GPHN: variants seen among roughly 807,000 people sequenced by gnomAD.
GPHN encodes the protein gephyrin.
Under a neutral mutation model 95.5 loss-of-function variants are expected in GPHN, and 17 were observed. The observed-to-expected ratio is 0.18, with a 90% confidence interval of 0.12 to 0.27. The LOEUF (loss-of-function observed/expected upper bound fraction) is 0.27, where lower values mean the gene tolerates loss of function less well. Ranked by LOEUF, GPHN falls within the 10% of genes least tolerant of loss-of-function variation. The pLI is 1.00. For missense variants in GPHN, 660 were observed against 978.1 expected, an observed-to-expected ratio of 0.67 and a Z score of 4.34; for synonymous variants, 320 against 322.5, an observed-to-expected ratio of 0.99 and a Z score of 0.08.
At chr14:67,567,147 G>A in the GPHN span, among the ~76,000 whole-genome samples, 8 of 152,092 alleles carry the variant, frequency 5.3e-5, no homozygotes, top group Admixed American at 3.9e-4. Context: ...CTCGTGTTCC[G>A]TGTTCCGGGG....
chr14:66,923,266 T>C (rs972923851), intron 7 of GPHN, among the ~76,000 whole-genome samples: 1 of 152,104 alleles, frequency 6.6e-6, no homozygotes, highest in African/African-American at 2.4e-5. Context: ...TGTTTATATA[T>C]TCAAAGTATC....
At chr14:67,026,668 G>A (rs1225379765) in intron 10 of GPHN, among the ~76,000 whole-genome samples, 4 of 151,790 alleles carry the variant, frequency 2.6e-5, no homozygotes, top group East Asian at 1.9e-4. Flanking sequence ...TTTTTGAGAC[G>A]GAGTCCCGCT....
chr14:67,219,808 G>T, the GPHN span, among the ~76,000 whole-genome samples: 1 of 152,042 alleles, frequency 6.6e-6, no homozygotes, highest in Non-Finnish European at 1.5e-5. Context: ...TGACTCTACT[G>T]GAGAGAAATA....
intron 1 of GPHN, among the ~76,000 whole-genome samples, chr14:66,583,817 C>T (rs376242158): frequency 2.6e-5 from 4 of 151,996 alleles, no homozygotes; most frequent in African/African-American, 7.3e-5. Context: ...AGTCAGGTAG[C>T]GTGATGCCTC....
chr14:66,676,031 A>T (rs1810671616), intron 1 of GPHN, among the ~76,000 whole-genome samples: 1 of 151,800 alleles, frequency 6.6e-6, no homozygotes, highest in African/African-American at 2.4e-5. Context: ...TTCAGGAGGG[A>T]TATGTGCAGG....
At chr14:66,821,178 T>G (rs1392698984) in intron 3 of GPHN, among the ~76,000 whole-genome samples, 1 of 152,188 alleles carries the variant, frequency 6.6e-6, no homozygotes, top group Non-Finnish European at 1.5e-5. Flanking sequence ...GCTTTCTAAC[T>G]AAGCTAAGAT....
the GPHN span, among the ~76,000 whole-genome samples, chr14:67,694,649 T>C: frequency 2.0e-5 from 3 of 152,026 alleles, no homozygotes; most frequent in Non-Finnish European, 2.9e-5. Context: ...TGTTTTCATC[T>C]GAGTGTGAGA....
At chr14:67,054,377 G>T (rs1341345074) in intron 10 of GPHN, among the ~76,000 whole-genome samples, 1 of 152,052 alleles carries the variant, frequency 6.6e-6, no homozygotes. Flanking sequence ...AAAATACCTA[G>T]GAATACAGCT....
the GPHN span, among the ~76,000 whole-genome samples, chr14:67,468,673 C>T: frequency 3.9e-4 from 59 of 152,238 alleles, no homozygotes; most frequent in Middle Eastern, 0.01. Context: ...GCGGGTGGAT[C>T]ACCTGAGGTC....
intron 12 of GPHN, among the ~76,000 whole-genome samples, chr14:67,093,265 A>C (rs1567320185): frequency 6.6e-6 from 1 of 152,104 alleles, no homozygotes; most frequent in Non-Finnish European, 1.5e-5. Context: ...AACATTTTAA[A>C]ATTACCCATT....
At chr14:67,721,738 G>GATAT in the GPHN span, among the ~76,000 whole-genome samples, 2 of 147,022 alleles carry the variant, frequency 1.4e-5, no homozygotes, top group African/African-American at 2.5e-5. Flanking sequence ...AACAAGTGGG[G>GATAT]ATATATATAT....
the GPHN span, among the ~76,000 whole-genome samples, chr14:67,218,279 C>T: frequency 3.8e-4 from 58 of 152,304 alleles, no homozygotes; most frequent in African/African-American, 1.3e-3. Flanking sequence ...AGAGCTGTTT[C>T]TCAGGCCTGG....
intron 9 of GPHN, among the ~76,000 whole-genome samples, chr14:67,002,004 GGT>G (rs2072263165): frequency 6.6e-6 from 1 of 151,538 alleles, no homozygotes; most frequent in Non-Finnish European, 1.5e-5. Flanking sequence ...AATTTTCCCT[GGT>G]CACCTTTTTT....
intron 4 of GPHN, among the ~76,000 whole-genome samples, chr14:66,827,495 G>A (rs971450095): frequency 6.6e-6 from 1 of 152,142 alleles, no homozygotes; most frequent in Non-Finnish European, 1.5e-5. Context: ...TAAAGCGAGG[G>A]AAATAAAAGC....
chr14:67,087,409 C>T (rs2033960131), intron 11 of GPHN, among the ~76,000 whole-genome samples: 1 of 151,976 alleles, frequency 6.6e-6, no homozygotes, highest in African/African-American at 2.4e-5. Flanking sequence ...GACTATATAG[C>T]TTCAGGTTCA....
At chr14:66,749,190 A>T (rs1048188934) in intron 2 of GPHN, among the ~76,000 whole-genome samples, 2 of 151,958 alleles carry the variant, frequency 1.3e-5, no homozygotes, top group Non-Finnish European at 2.9e-5. Context: ...TTGATAGCTT[A>T]TTTCTTTTTA....
intron 17 of GPHN, among the ~76,000 whole-genome samples, chr14:67,131,262 G>T (rs868356105): frequency 6.7e-6 from 1 of 149,718 alleles, no homozygotes; most frequent in Non-Finnish European, 1.5e-5. Flanking sequence ...TTGTTGTCTT[G>T]TATGGCTTAA....
At chr14:67,629,810 G>A in the GPHN span, among the ~76,000 whole-genome samples, 277 of 152,302 alleles carry the variant, frequency 1.8e-3, 2 homozygotes, top group Admixed American at 4.8e-3. Context: ...AAGGACTTGC[G>A]TTAGTGAAGA....
At chr14:67,030,582 G>A (rs1274461882) in intron 10 of GPHN, among the ~76,000 whole-genome samples, 1 of 152,058 alleles carries the variant, frequency 6.6e-6, no homozygotes, top group Non-Finnish European at 1.5e-5. Flanking sequence ...TCCAAAACCT[G>A]GATAACTCCT....
Sources: allele counts gnomAD v4.1 joint callset (sites outside exome capture counted in the v4.1 genomes callset), GRCh38; gene constraint gnomAD v4.1.1; transcripts MANE v1.5; gene names NCBI Gene and HGNC (gene_info 2026-07-23, HGNC 2026-07-21).